The following TTC39A variants were observed in gnomAD, a reference collection of about 807,000 sequenced individuals.
TTC39A encodes tetratricopeptide repeat protein 39A.
In TTC39A, 46 loss-of-function variants were observed where a neutral mutation model predicts 82.3. The ratio of observed to expected loss-of-function variants is 0.56; its 90% CI spans 0.44 to 0.71. The LOEUF is 0.71. Among genes scored for constraint, TTC39A ranks in the 30% least tolerant of loss-of-function variants. The pLI is 0.00. For missense variants in TTC39A, 543 were observed against 712.9 expected, an observed-to-expected ratio of 0.76 and a Z score of 2.71; for synonymous variants, 254 against 275.2, an observed-to-expected ratio of 0.92 and a Z score of 0.76.
intron 6 of TTC39A, 21 bp downstream of exon 6, chr1:51,309,240 C>A (rs759725350): frequency 1.3e-6 from 2 of 1,590,966 alleles, no homozygotes; most frequent in African/African-American, 1.3e-5. Flanking sequence ...TCCCCACAAG[C>A]GGATGGCCAG....
chr1:51,302,238 T>TGGGGGGGGGGGGGGGCGGGGGGGGGGG, intron 11 of TTC39A, 119 bp downstream of exon 11: 1 of 723,734 alleles, frequency 1.4e-6, no homozygotes, highest in Admixed American at 2.0e-5. Flanking sequence ...GGTTCTCTCT[T>TGGGGGGGGGGGGGGGCGGGGGGGGGGG]GGCCCCCCCC....
At chr1:51,310,034 G>A (rs1214157919) in intron 5 of TTC39A, among the ~76,000 whole-genome samples, 4 of 152,108 alleles carry the variant, frequency 2.6e-5, no homozygotes, top group Admixed American at 6.6e-5. Flanking sequence ...TAGGGCCAAG[G>A]TGGGCGCATC....
chr1:51,296,218 C>T, intron 12 of TTC39A, 48 bp from the exon 13 acceptor site: 1 of 1,544,934 alleles, frequency 6.5e-7, no homozygotes, highest in Non-Finnish European at 8.8e-7. Flanking sequence ...CTCCTCCAGC[C>T]CCAGCCGGGC....
At chr1:51,302,026 C>T in intron 11 of TTC39A, 2 of 691,824 alleles carry the variant, frequency 2.9e-6, no homozygotes, top group Middle Eastern at 4.7e-4. Context: ...AGGTACCAGA[C>T]TCCAGCCTAA....
Position 51,330,391 on chromosome 1 carries a change from C to G in TTC39A, c.41+46G>C. ...CGGCGCCCGCCACCTGCCCGGGCCC[C>G]AGCCCGCGCCGCCCGCGCCCCCGGG... is the stretch of plus-strand genomic sequence containing the variant. On this transcript the variant is annotated intron_variant, in intron 1 of 17. Transcript: ENST00000680483. The surrounding 1 kb of genome is among the most constrained non-coding windows in gnomAD (Gnocchi z 4.5). 1.0e-6 allele frequency: 1 copy of G among 972,862 alleles called. No homozygotes were observed. The highest frequency in any genetic ancestry group is 1.2e-6 in the Non-Finnish European group (1 of 821,176). 60.3% of individuals were successfully genotyped at this position (972,862 alleles called of 1,614,324 possible).
At position 51,290,035 on chromosome 1, in the gene TTC39A, G is replaced by A; in HGVS notation, c.1463C>T (p.Ala488Val). 1 of 1,613,716 alleles carries A rather than the reference G, an allele frequency of 6.2e-7. No individual in the cohort carries two copies. Among genetic ancestry groups the A allele is most frequent in the Non-Finnish European group, 8.5e-7 (1 of 1,179,792 alleles). The change falls in exon 16 of 18, where the codon GCC (alanine) becomes GTC (valine). Residue 488 changes from alanine (A) to valine (V), a missense_variant. By Grantham distance (64) the Ala-to-Val change is moderately conservative. Transcript: ENST00000680483. ...AGAGATGCTCCTAAAATTCTCCTCG[G>A]CCTCCTGGACACGGCCCAGGTATTT... is the stretch of plus-strand genomic sequence containing the variant. Reference protein sequence around the residue: ...CLKYLGRVQEAEENFRSISAN... With the variant: ...CLKYLGRVQEVEENFRSISAN...
intron 4 of TTC39A, among the ~76,000 whole-genome samples, chr1:51,311,854 C>T (rs1645096616): frequency 6.6e-6 from 1 of 152,366 alleles, no homozygotes; most frequent in East Asian, 1.9e-4. Context: ...AGGAGCAGAG[C>T]CCTGGCCTTG....
chr1:51,292,141 C>T lies in TTC39A; in HGVS notation c.1267-1516G>A, dbSNP rs149099556. Among the ~76,000 whole-genome samples the T allele has an allele frequency of 4.9e-3, 753 of 152,212 alleles. 6 individuals carry two copies. The highest frequency in any genetic ancestry group is 0.018 in the African/African-American group (738 of 41,520). On this transcript the variant is annotated intron_variant, in intron 14 of 17. Coordinates refer to ENST00000680483, the MANE Select transcript of TTC39A (RefSeq NM_001297663.2). ...TGAGGCTGTGGTGAGCTGATATCAC[C>T]ACTACACTCCAGCCTGCATGACAGA...
intron 1 of TTC39A, among the ~76,000 whole-genome samples, chr1:51,323,309 C>T (rs1360802900): frequency 6.6e-6 from 1 of 151,200 alleles, no homozygotes; most frequent in Non-Finnish European, 1.5e-5. Flanking sequence ...GAGATAGGGT[C>T]TCATATGTTG....
intron 1 of TTC39A, among the ~76,000 whole-genome samples, chr1:51,324,041 T>C (rs1356901210): frequency 6.6e-6 from 1 of 152,222 alleles, no homozygotes; most frequent in Non-Finnish European, 1.5e-5. Context: ...CCAGGGGAAC[T>C]ACCACCCTGA....
In TTC39A at chr1:51,294,499, G is replaced by T. The variant is rs563821519; in HGVS notation, c.1158C>A (p.Gly386=). Reference sequence around the variant, plus strand: ...ATTTCCCAGCAATCTTGAGCTTCAGGCCTGGCACAGCTCTGCGAAAGAGAT... The same window carrying T: ...ATTTCCCAGCAATCTTGAGCTTCAGTCCTGGCACAGCTCTGCGAAAGAGAT... ...DEVELFRAVP[G]LKLKIAGKSL... Residue 386 remains glycine, a synonymous_variant, in exon 14 of 18, where the codon GGC becomes GGA. Coordinates refer to ENST00000680483, the MANE Select transcript of TTC39A (RefSeq NM_001297663.2). This position sits in a 1 kb window ranked among gnomAD's most constrained non-coding sequence, Gnocchi z 4.3. The T allele has an allele frequency of 1.2e-6, 2 of 1,613,918 alleles. No homozygotes were observed. Among genetic ancestry groups the T allele is most frequent in the Admixed American group, 3.3e-5 (2 of 60,022 alleles).
intron 16 of TTC39A, among the ~76,000 whole-genome samples, chr1:51,289,167 C>A (rs1022578662): frequency 2.0e-5 from 3 of 152,164 alleles, no homozygotes; most frequent in Non-Finnish European, 4.4e-5. Context: ...TCCACCGCCA[C>A]CTAAGTCCCG....
intron 12 of TTC39A, 146 bp downstream of exon 12, chr1:51,301,425 CT>C: frequency 1.9e-6 from 2 of 1,077,410 alleles, no homozygotes; most frequent in Non-Finnish European, 1.3e-6. Flanking sequence ...TCTTTAGTTC[CT>C]TCCAAGCCTG....
intron 11 of TTC39A, 113 bp downstream of exon 11, chr1:51,302,244 C>G (rs892390015): frequency 5.1e-5 from 29 of 569,626 alleles, no homozygotes; most frequent in Non-Finnish European, 8.5e-5. Flanking sequence ...CTCTTGGCCC[C>G]CCCCCCGCCC....
chr1:51,291,226 C>T (rs1303429788), intron 14 of TTC39A, among the ~76,000 whole-genome samples: 1 of 152,096 alleles, frequency 6.6e-6, no homozygotes, highest in Non-Finnish European at 1.5e-5. Flanking sequence ...CACAGCGGCT[C>T]ACGCCTGTAA....
upstream of TTC39A, among the ~76,000 whole-genome samples, chr1:51,334,195 C>CAA (rs763569273): frequency 1.1e-3 from 40 of 37,888 alleles, no homozygotes; most frequent in East Asian, 1.7e-3. Context: ...CCTGTCTCTA[C>CAA]AAAAAAAAAA....
At chr1:51,338,075 C>T (rs760857595) in intron 1 of TTC39A, among the ~76,000 whole-genome samples, 3 of 152,174 alleles carry the variant, frequency 2.0e-5, no homozygotes, top group Non-Finnish European at 2.9e-5. Flanking sequence ...AGCCTTGCTG[C>T]CTAAACGAAT....
In TTC39A at chr1:51,290,112, C is replaced by G. The variant is rs995613849; in HGVS notation, c.1386G>C (p.Glu462Asp). The G allele has an allele frequency of 1.9e-6, 3 of 1,613,100 alleles. No individual in the cohort carries two copies. In the African/African-American group the frequency reaches 4.0e-5, roughly 22 times the overall value. ...EEMLEKGPEN[E>D]YSVDDECLVK... ...CCAAGCACTCGTCATCCACTGAGTA[C>G]TCGTTCTCTGAAAATAGGGATGTGA... Residue 462 changes from glutamate (E) to aspartate (D), a missense_variant, in exon 16 of 18, where the codon GAG (glutamate) becomes GAC (aspartate). Coordinates refer to ENST00000680483, the MANE Select transcript of TTC39A (RefSeq NM_001297663.2).
At chr1:51,343,246 AAGG>A (rs1331379544) in intron 1 of TTC39A, among the ~76,000 whole-genome samples, 3 of 152,238 alleles carry the variant, frequency 2.0e-5, no homozygotes, top group South Asian at 2.1e-4. Context: ...AGAAACAGAA[AAGG>A]AGGAGGTGAC....
Sources: gnomAD v4.1 joint callset for allele counts (sites outside exome capture counted in the v4.1 genomes callset) on GRCh38, gnomAD v4.1.1 for gene constraint, Gnocchi (gnomAD v3.1) non-coding constraint, MANE v1.5 for transcripts, NCBI Gene and HGNC (gene_info 2026-07-23, HGNC 2026-07-21) for gene names.